Variants in GSN observed in about 807,000 individuals in gnomAD.
GSN encodes the protein gelsolin.
In GSN, 56 loss-of-function variants were observed where a neutral mutation model predicts 85.7. The ratio of observed to expected loss-of-function variants is 0.65; its 90% confidence interval spans 0.53 to 0.82. The LOEUF (loss-of-function observed/expected upper bound fraction) is 0.82, where lower values mean the gene tolerates loss of function less well. Among genes scored for constraint, GSN ranks in the 40% least tolerant of loss-of-function variants. The pLI is 0.00. For synonymous variants in GSN, 373 were observed against 399.1 expected (o/e 0.93, Z 0.78); for missense variants, 857 against 979.8 (o/e 0.87, Z 1.67).
chr9:121,312,597 T>A, intron 6 of GSN, 109 bp downstream of exon 6: 1 of 809,686 alleles, frequency 1.2e-6, no homozygotes, highest in Non-Finnish European at 1.9e-6. Flanking sequence ...AAACTTCCGC[T>A]CTACCCCACC....
At chr9:121,210,498 G>A (rs565000670) in intron 3 of GSN, among the ~76,000 whole-genome samples, 5 of 152,158 alleles carry the variant, frequency 3.3e-5, no homozygotes, top group Admixed American at 6.5e-5. Context: ...GTCTACCACA[G>A]TGGACTCCCC....
rs2057023391 is a variant in GSN, at chr9:121,279,098, T to C, written c.-102-2372T>C. 2.0e-5 allele frequency among the ~76,000 whole-genome samples: 3 copies of C among 152,048 alleles called. No individual in the cohort carries two copies. The South Asian group carries it at 6.2e-4, about 32-fold the overall frequency. ...CTGACTTGCAAATAGACTATTACAG[T>C]AGAGTGTGACCGGGCAGATTAGGGG... is the stretch of plus-strand genomic sequence containing the variant. On this transcript the variant is annotated intron_variant, in intron 1 of 17. Transcript: ENST00000432226.
intron 2 of GSN, among the ~76,000 whole-genome samples, chr9:121,296,899 T>C (rs4837834): frequency 0.42 from 63,638 of 152,170 alleles, 14,627 homozygotes; most frequent in East Asian, 0.62. Context: ...CAGAGCTATA[T>C]GGCAGGCAAA....
rs968809955 is a variant in GSN, at chr9:121,299,102, T to A, written c.-9-2861T>A. On this transcript the variant is annotated intron_variant, in intron 2 of 17. Coordinates refer to ENST00000432226, the MANE Select transcript of GSN (RefSeq NM_198252.3). This position sits in a 1 kb window ranked among gnomAD's most constrained non-coding sequence, Gnocchi z 4.2. ...TGCCCCTGGGGAGAGGTAAATGTGATGGAGAGGGAACAACTGTGTACAAAC... is the reference window on the plus strand; with the variant it reads ...TGCCCCTGGGGAGAGGTAAATGTGAAGGAGAGGGAACAACTGTGTACAAAC... 1 of 157,206 alleles carries A rather than the reference T, an allele frequency of 6.4e-6. No homozygotes were observed. Among genetic ancestry groups the A allele is most frequent in the South Asian group, 2.0e-4 (1 of 4,908 alleles). The allele number at this position is 157,206 out of a possible 1,614,324, so 9.7% of individuals were successfully genotyped here.
chr9:121,207,182 C>A (rs1326944439), upstream of GSN, among the ~76,000 whole-genome samples: 1 of 152,174 alleles, frequency 6.6e-6, no homozygotes, highest in African/African-American at 2.4e-5. Context: ...CTGTTGAGAA[C>A]TGAGATTTTA....
intron 1 of GSN, among the ~76,000 whole-genome samples, chr9:121,279,123 G>C (rs1195490217): frequency 6.6e-6 from 1 of 151,910 alleles, no homozygotes; most frequent in Non-Finnish European, 1.5e-5. Context: ...CAGATTAGGG[G>C]GTGTGGAGGT....
At chr9:121,309,315 A>C (rs2060803701) in intron 4 of GSN, 1 of 152,210 alleles carries the variant, frequency 6.6e-6, no homozygotes, top group Admixed American at 6.5e-5. Context: ...TGACTGCAGC[A>C]GGGAAGCTCT....
rs1309112698 is a variant in GSN, at chr9:121,261,047, A to G, written c.-340-4107A>G. 6.6e-6 allele frequency among the ~76,000 whole-genome samples: 1 copy of G among 152,250 alleles called. No homozygotes were observed. The highest frequency in any genetic ancestry group is 2.4e-5 in the African/African-American group (1 of 41,468). The stretch of plus-strand genomic sequence containing the variant: ...TTGTGTTTCAACTCCAAGAAACAGC[A>G]CAACATTTGAAAAGCCCATTGTTCG... On this transcript the variant is annotated intron_variant, in intron 6 of 24. Transcript: ENST00000373823. This position sits in a 1 kb window ranked among gnomAD's most constrained non-coding sequence, Gnocchi z 4.1.
chr9:121,243,434 C>T (rs2054642118), intron 5 of GSN, among the ~76,000 whole-genome samples: 1 of 152,176 alleles, frequency 6.6e-6, no homozygotes, highest in Non-Finnish European at 1.5e-5. Flanking sequence ...TCCCAAAGTT[C>T]CAGGAATTAG....
At chr9:121,278,968 C>T (rs12001606) in intron 1 of GSN, among the ~76,000 whole-genome samples, 6,015 of 152,328 alleles carry the variant, frequency 0.039, 426 homozygotes, top group African/African-American at 0.14. Context: ...GTGTTACACA[C>T]GTGTGCACGC....
In GSN at chr9:121,302,981, C is replaced by A. The variant is rs965919012; in HGVS notation, c.267C>A (p.Asn89Lys). The part of the protein sequence containing the change: ...IFTVQLDDYL[N>K]GRAVQHREVQ... ...CCGTGCAGCTGGATGACTACCTGAA[C>A]GGCCGGGCCGTGCAGCACCGTGAGG... Residue 89 changes from asparagine to lysine, a missense_variant, in exon 4 of 18, where the codon AAC (asparagine) becomes AAA (lysine). Transcript: ENST00000432226. 6.2e-7 allele frequency: 1 copy of A among 1,613,950 alleles called. No individual in the cohort carries two copies. Among genetic ancestry groups the A allele is most frequent in the African/African-American group, 1.3e-5 (1 of 75,034 alleles).
intron 2 of GSN, among the ~76,000 whole-genome samples, chr9:121,300,992 CTT>C (rs1157220286): frequency 1.3e-5 from 2 of 152,228 alleles, no homozygotes; most frequent in Non-Finnish European, 2.9e-5. Flanking sequence ...TGCTGGAAAT[CTT>C]TCCACTTCCA....
chr9:121,298,077 G>A (rs199860783), intron 2 of GSN, among the ~76,000 whole-genome samples: 5 of 152,030 alleles, frequency 3.3e-5, no homozygotes, highest in East Asian at 1.9e-4. Context: ...CTTGGAGCCC[G>A]GAGAACTCAG....
In GSN at chr9:121,329,201, G is replaced by C; in HGVS notation, c.1888-37G>C. 1 of 1,529,502 alleles carries C rather than the reference G, an allele frequency of 6.5e-7. No individual in the cohort carries two copies. Among genetic ancestry groups the C allele is most frequent in the Non-Finnish European group, 9.1e-7 (1 of 1,103,202 alleles). The allele number at this position is 1,529,502 out of a possible 1,614,324, so 94.7% of individuals were successfully genotyped here. A position where few individuals can be genotyped will look rare whatever the true frequency, so the allele number is the denominator to read the frequency against. On this transcript the variant is annotated intron_variant, in intron 15 of 17. Transcript: ENST00000432226. This position sits in a 1 kb window ranked among gnomAD's most constrained non-coding sequence, Gnocchi z 4.6. The stretch of plus-strand genomic sequence containing the variant: ...ATAAAGGAAGGCCACCCAGGGGAGG[G>C]AAGACATCTCACTGATGCTCTTTCG...
intron 5 of GSN, among the ~76,000 whole-genome samples, chr9:121,245,458 G>C (rs1396395146): frequency 6.6e-6 from 1 of 152,194 alleles, no homozygotes; most frequent in Non-Finnish European, 1.5e-5. Context: ...CTGGGCTCAA[G>C]CAATCCTCAT....
chr9:121,296,896 A>G (rs1034077475), intron 2 of GSN, among the ~76,000 whole-genome samples: 2 of 152,254 alleles, frequency 1.3e-5, no homozygotes, highest in African/African-American at 4.8e-5. Flanking sequence ...CTCCAGAGCT[A>G]TATGGCAGGC....
intron 4 of GSN, chr9:121,309,163 T>C (rs1351165392): frequency 6.6e-6 from 1 of 152,370 alleles, no homozygotes; most frequent in Admixed American, 6.5e-5. Context: ...TTCTCTGGGC[T>C]TCAGTTTACC....
intron 4 of GSN, among the ~76,000 whole-genome samples, chr9:121,212,710 C>A (rs1461160614): frequency 1.1e-4 from 16 of 149,042 alleles, no homozygotes; most frequent in Non-Finnish European, 1.6e-4. Context: ...GTGGTGTGAT[C>A]TCTACTCACT....
In GSN at chr9:121,299,897, C is replaced by A; in HGVS notation, c.-9-2066C>A. On this transcript the variant is annotated intron_variant, in intron 2 of 17. Transcript: ENST00000432226. This position sits in a 1 kb window ranked among gnomAD's most constrained non-coding sequence, Gnocchi z 4.2. ...ACCGCCCCGCGCCCGCGCTGCTTTG[C>A]GCGCTGTCCCTGGCGCTGTGCGCGC... The A allele has an allele frequency of 1.5e-6, 2 of 1,313,640 alleles. No homozygotes were observed. The highest frequency in any genetic ancestry group is 2.1e-5 in the South Asian group (1 of 47,884). The allele number at this position is 1,313,640 out of a possible 1,614,324, so 81.4% of individuals were successfully genotyped here.
Sources: gnomAD v4.1 joint callset for allele counts (sites outside exome capture counted in the v4.1 genomes callset) on GRCh38, gnomAD v4.1.1 for gene constraint, Gnocchi (gnomAD v3.1) non-coding constraint, MANE v1.5 for transcripts, NCBI Gene and HGNC (gene_info 2026-07-23, HGNC 2026-07-21) for gene names.